POGZ: variants seen among roughly 807,000 people sequenced by gnomAD.
The protein encoded by POGZ is pogo transposable element with ZNF domain.
Under a neutral mutation model 134.6 loss-of-function variants are expected in POGZ, and 17 were observed. The ratio of observed to expected loss-of-function variants is 0.13; its 90% CI spans 0.09 to 0.19. POGZ has a LOEUF of 0.19. Among genes scored for constraint, POGZ ranks in the 10% least tolerant of loss-of-function variants. POGZ has a pLI of 1.00. For missense variants in POGZ, 1,306 were observed against 1,769.7 expected, an observed-to-expected ratio of 0.74 and a Z score of 4.70; for synonymous variants, 693 against 657.1, an observed-to-expected ratio of 1.05 and a Z score of -0.84.
rs1225504861 is a variant in POGZ, at chr1:151,418,548, C to A, written c.1678+4849G>T. 5.9e-5 allele frequency among the ~76,000 whole-genome samples: 9 copies of A among 152,144 alleles called. No individual in the cohort carries two copies. In the East Asian group the frequency reaches 1.7e-3, roughly 29 times the overall value. The stretch of plus-strand genomic sequence containing the variant: ...GTAGGGTGACTATAGTTTACAATAA[C>A]CTGTTGTAAATTTTAAAATAGCTAG... On this transcript the variant is annotated intron_variant, in intron 10 of 18. Coordinates refer to ENST00000271715, the MANE Select transcript of POGZ (RefSeq NM_015100.4).
At chr1:151,446,273 A>C (rs1340624541) in intron 1 of POGZ, among the ~76,000 whole-genome samples, 1 of 140,372 alleles carries the variant, frequency 7.1e-6, no homozygotes. Context: ...AAAAAAAAAA[A>C]ACGAATTTTA....
chr1:151,431,775 T>C (rs1458543660), intron 3 of POGZ, among the ~76,000 whole-genome samples: 1 of 152,198 alleles, frequency 6.6e-6, no homozygotes, highest in Non-Finnish European at 1.5e-5. Flanking sequence ...AGTCCCCTAT[T>C]TCATGACATT....
intron 1 of POGZ, among the ~76,000 whole-genome samples, chr1:151,443,952 A>C (rs1374391149): frequency 1.3e-5 from 2 of 152,148 alleles, no homozygotes; most frequent in East Asian, 1.9e-4. Context: ...CCAAAACCAA[A>C]CAACCAACCT....
rs772797474 is a variant in POGZ at position 151,405,843 on chromosome 1, C to T, written c.3192G>A (p.Gly1064=). The T allele has an allele frequency of 4.3e-6, 7 of 1,613,976 alleles. No individual in the cohort carries two copies. Among genetic ancestry groups the T allele is most frequent in the African/African-American group, 4.0e-5 (3 of 74,866 alleles). ...CAGCCCACTCATAGGAGATCTTAAA[C>T]CCCCCTTCCAAAGAACGTCCTATTT... ...ATKIGRSLEG[G]FKISYEWAVR... The change falls in exon 19 of 19, where the codon GGG becomes GGA. Residue 1064 remains glycine (G), a synonymous_variant. Coordinates refer to ENST00000271715, the MANE Select transcript of POGZ (RefSeq NM_015100.4). The surrounding 1 kb of genome is among the most constrained non-coding windows in gnomAD (Gnocchi z 4.9).
chr1:151,404,874 G>A lies in POGZ; in HGVS notation c.4161C>T (p.Leu1387=). The part of the protein sequence containing the change: ...ETIEPESLHQ[L]FEGESETESF... ...ACTCGGTCTCACTTTCACCCTCAAA[G>A]AGCTGGTGAAGACTTTCAGGCTCAA... The change falls in exon 19 of 19, where the codon CTC becomes CTT. Residue 1387 remains leucine, a synonymous_variant. Coordinates refer to ENST00000271715, the MANE Select transcript of POGZ (RefSeq NM_015100.4). The A allele has an allele frequency of 6.2e-7, 1 of 1,613,972 alleles. No individual in the cohort carries two copies. Among genetic ancestry groups the A allele is most frequent in the Non-Finnish European group, 8.5e-7 (1 of 1,180,016 alleles).
Position 151,403,773 on chromosome 1 carries a change from C to T in POGZ, c.*1029G>A. 1 of 985,640 alleles carries T rather than the reference C, an allele frequency of 1.0e-6. No individual in the cohort carries two copies. 61.1% of individuals were successfully genotyped at this position (985,640 alleles called of 1,614,324 possible). Reference sequence around the variant, plus strand: ...TTTTTAAAGTTCAACACTTCTTGAACAATTAGCTCCTGGCTGTAGGACCAG... The same window carrying T: ...TTTTTAAAGTTCAACACTTCTTGAATAATTAGCTCCTGGCTGTAGGACCAG... On this transcript the variant is annotated 3_prime_UTR_variant, in exon 19 of 19. Coordinates refer to ENST00000271715, the MANE Select transcript of POGZ (RefSeq NM_015100.4).
At chr1:151,444,095 T>C (rs12063069) in intron 1 of POGZ, among the ~76,000 whole-genome samples, 3,162 of 152,338 alleles carry the variant, frequency 0.021, 102 homozygotes, top group African/African-American at 0.072. Context: ...GAGTCAGCTA[T>C]AGCCAGGGGC....
intron 3 of POGZ, among the ~76,000 whole-genome samples, chr1:151,439,420 T>C (rs374449345): frequency 6.6e-6 from 1 of 152,126 alleles, no homozygotes; most frequent in African/African-American, 2.4e-5. Flanking sequence ...AGTTTGATAA[T>C]ACCTAAAGTT....
chr1:151,428,029 G>A lies in POGZ; in HGVS notation c.872C>T (p.Pro291Leu), dbSNP rs1440461808. 3 of 1,614,192 alleles carry A rather than the reference G, an allele frequency of 1.9e-6. No individual in the cohort carries two copies. The highest frequency in any genetic ancestry group is 2.5e-6 in the Non-Finnish European group (3 of 1,180,008). The part of the protein sequence containing the change: ...TTNPKLAPSF[P>L]SPPAVSIASF... ...GGCAATGCTCACTGCAGGTGGAGAG[G>A]GGAAGGAGGGAGCTACGGTGACCAA... Residue 291 changes from proline (P) to leucine (L), a missense_variant, in exon 7 of 19, where the codon CCC (proline) becomes CTC (leucine). Around this residue, in one of 10 missense-constraint regions of POGZ, gnomAD observed 541 missense variants for 680.5 expected, o/e 0.80. Transcript: ENST00000271715.
intron 1 of POGZ, among the ~76,000 whole-genome samples, chr1:151,457,828 G>A (rs1309818970): frequency 6.6e-6 from 1 of 151,978 alleles, no homozygotes; most frequent in Non-Finnish European, 1.5e-5. Flanking sequence ...TAGGAAGGCT[G>A]AGGCAGGAGA....
chr1:151,444,641 T>C (rs1355148049), intron 1 of POGZ, among the ~76,000 whole-genome samples: 1 of 152,198 alleles, frequency 6.6e-6, no homozygotes, highest in African/African-American at 2.4e-5. Context: ...AGAATACAAA[T>C]TGTGGTTTTC....
chr1:151,429,759 T>C, intron 4 of POGZ, 48 bp from the exon 5 acceptor site: 5 of 1,052,596 alleles, frequency 4.8e-6, no homozygotes, highest in Non-Finnish European at 7.4e-6. Flanking sequence ...CAATTAACAC[T>C]GACAAAGATT....
At chr1:151,430,043 A>T (rs1047439247) in intron 4 of POGZ, among the ~76,000 whole-genome samples, 1 of 145,442 alleles carries the variant, frequency 6.9e-6, no homozygotes. Flanking sequence ...GGTGGGGGGC[A>T]GGGGGAAGAG....
intron 1 of POGZ, among the ~76,000 whole-genome samples, chr1:151,450,280 C>T (rs940945888): frequency 1.1e-4 from 17 of 151,944 alleles, no homozygotes; most frequent in African/African-American, 2.9e-4. Context: ...GATCCACCTG[C>T]CTTGGCCTCC....
At position 151,404,045 on chromosome 1, in the gene POGZ, T is replaced by G; in HGVS notation, c.*757A>C. 1 of 985,410 alleles carries G rather than the reference T, an allele frequency of 1.0e-6. No individual in the cohort carries two copies. The highest frequency in any genetic ancestry group is 4.7e-5 in the South Asian group (1 of 21,292). 61.0% of individuals were successfully genotyped at this position (985,410 alleles called of 1,614,324 possible). A position where few individuals can be genotyped will look rare whatever the true frequency, so the allele number is the denominator to read the frequency against. The stretch of plus-strand genomic sequence containing the variant: ...AGTGCAAAAAATATTGTTTATGTCA[T>G]GTTTTGGAGGGAAGGTGGTGAGGAA... On this transcript the variant is annotated 3_prime_UTR_variant, in exon 19 of 19. Transcript: ENST00000271715.
At position 151,450,023 on chromosome 1, in the gene POGZ, A is replaced by ATTTTT. The variant is rs1171783071; in HGVS notation, c.-1-7823_-1-7819dup. On this transcript the variant is annotated intron_variant, in intron 1 of 18. Coordinates refer to ENST00000271715, the MANE Select transcript of POGZ (RefSeq NM_015100.4). ...TATAATCACCTACCTGTGAAACTTG[A>ATTTTT]TTTTTTTTTTTTTTTTTTTTTTTTT... is the stretch of plus-strand genomic sequence containing the variant. 3.5e-4 allele frequency among the ~76,000 whole-genome samples: 26 copies of ATTTTT among 74,328 alleles called. 3 individuals carry two copies. In the East Asian group the frequency reaches 3.9e-3, roughly 11 times the overall value. The allele number at this position is 74,328 out of a possible 152,430, so 48.8% of individuals were successfully genotyped here.
rs531973657 is a variant in POGZ at position 151,405,676 on chromosome 1, G to C, written c.3359C>G (p.Ser1120Cys). The change falls in exon 19 of 19, where the codon TCT (serine) becomes TGT (cysteine). Residue 1120 changes from serine to cysteine, a missense_variant. Coordinates refer to ENST00000271715, the MANE Select transcript of POGZ (RefSeq NM_015100.4). This position sits in a 1 kb window ranked among gnomAD's most constrained non-coding sequence, Gnocchi z 4.9. The stretch of plus-strand genomic sequence containing the variant: ...GATCTCATCAATAGCCACAATCATA[G>C]ACAAGGGTAAGTCCTGGTTGTGAAT... ...RQIHNQDLPLSMIVAIDEISL... is the reference protein window; with the variant it reads ...RQIHNQDLPLCMIVAIDEISL... The C allele has an allele frequency of 6.2e-7, 1 of 1,614,198 alleles. No homozygotes were observed. The highest frequency in any genetic ancestry group is 1.3e-5 in the African/African-American group (1 of 75,060).
At chr1:151,407,715 G>GA (rs546580804) in intron 15 of POGZ, among the ~76,000 whole-genome samples, 93 of 152,218 alleles carry the variant, frequency 6.1e-4, no homozygotes, top group Admixed American at 1.6e-3. Context: ...GAGTGCTCAA[G>GA]AATCTGGCTG....
rs749296395 is a variant in POGZ at position 151,423,565 on chromosome 1, CAAAGAG to C, written c.1524-20_1524-15del. 9.4e-6 allele frequency: 15 copies of C among 1,587,370 alleles called. No individual in the cohort carries two copies. Among genetic ancestry groups the C allele is most frequent in the African/African-American group, 6.8e-5 (5 of 73,758 alleles). On this transcript the variant is annotated splice_polypyrimidine_tract_variant and intron_variant, in intron 9 of 18. Coordinates refer to ENST00000271715, the MANE Select transcript of POGZ (RefSeq NM_015100.4). Reference sequence around the variant, plus strand: ...TGGTTCATGAATCTGTAATAAAGCACAAAGAGAAAGTACAGAAAACATAAAAAATTG... The same window carrying C: ...TGGTTCATGAATCTGTAATAAAGCACAAAGTACAGAAAACATAAAAAATTG...
Sources: gnomAD v4.1 joint callset for allele counts (sites outside exome capture counted in the v4.1 genomes callset) on GRCh38, gnomAD v4.1.1 for gene constraint, gnomAD v4.1.1 regional missense constraint, Gnocchi (gnomAD v3.1) non-coding constraint, MANE v1.5 for transcripts, NCBI Gene and HGNC (gene_info 2026-07-23, HGNC 2026-07-21) for gene names.